The following KLHL1 variants were observed in gnomAD, a reference collection of about 807,000 sequenced individuals.
The protein encoded by KLHL1 is kelch like family member 1.
A neutral mutation model predicts 77.7 loss-of-function variants in KLHL1; 47 were observed. The ratio of observed to expected loss-of-function variants is 0.60; its 90% confidence interval spans 0.48 to 0.77. The LOEUF (loss-of-function observed/expected upper bound fraction) is 0.77. Among genes scored for constraint, KLHL1 ranks in the 30% least tolerant of loss-of-function variants. KLHL1 has a pLI of 0.00. For synonymous variants in KLHL1, 360 were observed against 325.2 expected (o/e 1.11, Z -1.15); for missense variants, 925 against 910.8 (o/e 1.02, Z -0.20).
intron 6 of KLHL1, among the ~76,000 whole-genome samples, chr13:69,805,076 C>G (rs1160854173): frequency 1.3e-5 from 2 of 151,780 alleles, no homozygotes; most frequent in African/African-American, 4.8e-5. Flanking sequence ...GGTATCATTG[C>G]AGGAGAAATA....
rs41283978 is a variant in KLHL1, at chr13:70,107,600, C to G, written c.100G>C (p.Gly34Arg). Reference sequence around the variant, plus strand: ...CCGTCCTGTTGCAGGCAGCCTCCCCCCGCCGGGCCGCCGGTGGAAGGAGAC... The same window carrying G: ...CCGTCCTGTTGCAGGCAGCCTCCCCGCGCCGGGCCGCCGGTGGAAGGAGAC... ...HPSPSTGGPA[G>R]GGCLQQDGSG... Residue 34 changes from glycine to arginine, a missense_variant, in exon 1 of 11, where the codon GGG becomes CGG. Transcript: ENST00000377844. The G allele has an allele frequency of 5.5e-4, 875 of 1,593,630 alleles. 1 individual carries two copies. The highest frequency in any genetic ancestry group is 5.9e-4 in the Non-Finnish European group (691 of 1,170,240).
chr13:69,861,481 T>C (rs1880156690), intron 5 of KLHL1, among the ~76,000 whole-genome samples: 2 of 152,128 alleles, frequency 1.3e-5, no homozygotes, highest in East Asian at 1.9e-4. Context: ...ATATTGATGT[T>C]TATCAGCTTT....
chr13:69,740,556 C>A lies in KLHL1; in HGVS notation c.1640G>T (p.Gly547Val), dbSNP rs1197296850. 1.2e-6 allele frequency: 2 copies of A among 1,601,612 alleles called. No individual in the cohort carries two copies. The highest frequency in any genetic ancestry group is 3.4e-5 in the Admixed American group (2 of 59,318). ...AATAGGGCCTTCAAGTACTGTTACA[C>A]CTAAAATATTAGATAAATGAATGTA... ...PPMSTHRHGL[G>V]VTVLEGPIYA... The change falls in exon 8 of 11, where the codon GGT (glycine) becomes GTT (valine). Residue 547 changes from glycine (G) to valine (V), a missense_variant and splice_region_variant. Coordinates refer to ENST00000377844, the MANE Select transcript of KLHL1 (RefSeq NM_020866.3).
chr13:70,016,842 C>G (rs545028784), intron 1 of KLHL1, among the ~76,000 whole-genome samples: 1 of 151,998 alleles, frequency 6.6e-6, no homozygotes, highest in African/African-American at 2.4e-5. Context: ...GGTGGTTTTT[C>G]CAGGTCCACC....
At chr13:69,847,481 A>G (rs1468636334) in intron 5 of KLHL1, among the ~76,000 whole-genome samples, 2 of 151,332 alleles carry the variant, frequency 1.3e-5, no homozygotes, top group Non-Finnish European at 3.0e-5. Context: ...AATCACATCT[A>G]TACCTTTCAT....
intron 7 of KLHL1, among the ~76,000 whole-genome samples, chr13:69,740,857 G>C (rs1566201370): frequency 6.6e-6 from 1 of 152,148 alleles, no homozygotes; most frequent in East Asian, 1.9e-4. Context: ...GCCAAAAATA[G>C]TATTATGACC....
chr13:70,012,640 G>A (rs2243802), intron 1 of KLHL1, among the ~76,000 whole-genome samples: 82,403 of 151,882 alleles, frequency 0.54, 22,620 homozygotes, highest in Non-Finnish European at 0.58. Flanking sequence ...GCCAGGCACT[G>A]TGGCTCATGC....
chr13:69,846,373 T>C lies in KLHL1; in HGVS notation c.1228-7211A>G, dbSNP rs764549127. 5.9e-4 allele frequency among the ~76,000 whole-genome samples: 89 copies of C among 151,478 alleles called. 6 individuals are homozygous for C. Among genetic ancestry groups the C allele is most frequent in the Non-Finnish European group, 1.6e-4 (11 of 67,642 alleles). On this transcript the variant is annotated intron_variant, in intron 5 of 10. Transcript: ENST00000377844. ...GAATCAAACATGACCAGGAAATATA[T>C]AGGATAAACTCACACAATTTTCAGA...
At chr13:69,727,049 A>G (rs1873332684) in intron 8 of KLHL1, among the ~76,000 whole-genome samples, 2 of 152,160 alleles carry the variant, frequency 1.3e-5, no homozygotes, top group Non-Finnish European at 2.9e-5. Context: ...AAAATTATTA[A>G]TTATGTGTCT....
chr13:69,818,444 C>T (rs561688169), intron 6 of KLHL1, among the ~76,000 whole-genome samples: 1 of 152,118 alleles, frequency 6.6e-6, no homozygotes, highest in Non-Finnish European at 1.5e-5. Flanking sequence ...TGGTCTCCAT[C>T]TCTTGACCTC....
chr13:69,821,290 G>A lies in KLHL1; in HGVS notation c.1414+17686C>T, dbSNP rs557684120. Among the ~76,000 whole-genome samples, 24 of 151,990 alleles carry A rather than the reference G, an allele frequency of 1.6e-4. 1 individual carries two copies. The East Asian group carries it at 2.9e-3, about 18-fold the overall frequency. On this transcript the variant is annotated intron_variant, in intron 6 of 10. Transcript: ENST00000377844. ...AAAGCTTAACAAATGTTCATTCATC[G>A]TAATAATTTATTTATGTATGTCTTC... is the stretch of plus-strand genomic sequence containing the variant.
chr13:70,052,835 T>C (rs1886659949), intron 1 of KLHL1, among the ~76,000 whole-genome samples: 1 of 151,976 alleles, frequency 6.6e-6, no homozygotes. Context: ...ATACGGAGAA[T>C]ATAAGAAGAT....
At chr13:69,809,141 G>C (rs1424868741) in intron 6 of KLHL1, among the ~76,000 whole-genome samples, 2 of 152,074 alleles carry the variant, frequency 1.3e-5, no homozygotes, top group Non-Finnish European at 2.9e-5. Flanking sequence ...CATATTTGAG[G>C]ATATAACTCG....
chr13:69,783,218 G>A (rs1398960060), intron 7 of KLHL1, among the ~76,000 whole-genome samples: 3 of 152,244 alleles, frequency 2.0e-5, no homozygotes, highest in African/African-American at 7.2e-5. Context: ...AAATGACAAA[G>A]ATGGGGAAAA....
At chr13:70,066,347 G>A (rs1365681666) in intron 1 of KLHL1, among the ~76,000 whole-genome samples, 1 of 152,124 alleles carries the variant, frequency 6.6e-6, no homozygotes, top group African/African-American at 2.4e-5. Context: ...AGCCTTTATT[G>A]AATACCTACT....
chr13:70,094,442 T>C, intron 1 of KLHL1, among the ~76,000 whole-genome samples: 1 of 149,182 alleles, frequency 6.7e-6, no homozygotes, highest in East Asian at 2.0e-4. Context: ...GATGACTGGA[T>C]TGAATTTTGA....
chr13:69,804,150 T>C (rs1020606300), intron 6 of KLHL1, among the ~76,000 whole-genome samples: 1 of 152,158 alleles, frequency 6.6e-6, no homozygotes, highest in African/African-American at 2.4e-5. Context: ...ATATTATATA[T>C]AATACAAATA....
intron 1 of KLHL1, among the ~76,000 whole-genome samples, chr13:70,086,678 T>A (rs954907686): frequency 1.3e-5 from 2 of 148,474 alleles, no homozygotes; most frequent in Admixed American, 1.4e-4. Flanking sequence ...TTCTAGATAT[T>A]AATCACAGCT....
chr13:70,012,882 G>A (rs1042001819), intron 1 of KLHL1, among the ~76,000 whole-genome samples: 1 of 145,108 alleles, frequency 6.9e-6, no homozygotes, highest in African/African-American at 2.5e-5. Context: ...CAGCCTGGTT[G>A]ACAGAGCAAG....
Sources: allele counts gnomAD v4.1 joint callset (sites outside exome capture counted in the v4.1 genomes callset), GRCh38; gene constraint gnomAD v4.1.1; transcripts MANE v1.5; gene names NCBI Gene and HGNC (gene_info 2026-07-23, HGNC 2026-07-21).